The following ZNF804B variants were observed in gnomAD, a reference collection of about 807,000 sequenced individuals.
ZNF804B encodes zinc finger protein 804B.
ZNF804B carries 80 observed loss-of-function variants against 101.4 expected under a neutral mutation model. That is an observed-to-expected ratio of 0.79 (90% CI 0.66 to 0.95). The LOEUF (loss-of-function observed/expected upper bound fraction) is 0.95. ZNF804B is among the 40% of genes least tolerant of loss of function. The pLI is 0.00. For synonymous variants in ZNF804B, 622 were observed against 558.8 expected, an observed-to-expected ratio of 1.11 and a Z score of -1.59; for missense variants, 1,673 against 1,561.9, an observed-to-expected ratio of 1.07 and a Z score of -1.20.
chr7:89,179,982 C>T (rs1004398223), intron 1 of ZNF804B, among the ~76,000 whole-genome samples: 2 of 152,134 alleles, frequency 1.3e-5, no homozygotes, highest in Non-Finnish European at 2.9e-5. Flanking sequence ...TGTCCTCTTC[C>T]CTTACCTTTT....
chr7:89,076,267 A>G (rs1473229633), intron 1 of ZNF804B, among the ~76,000 whole-genome samples: 4 of 152,182 alleles, frequency 2.6e-5, no homozygotes, highest in Admixed American at 2.6e-4. Flanking sequence ...TGTAAATTCC[A>G]CAATCCCCCT....
At chr7:89,231,266 A>G (rs894807797) in intron 2 of ZNF804B, among the ~76,000 whole-genome samples, 2 of 152,054 alleles carry the variant, frequency 1.3e-5, no homozygotes, top group South Asian at 2.1e-4. Context: ...TCATAAATGT[A>G]TAAGTTTATT....
At chr7:89,095,278 TC>T (rs1307585088) in intron 1 of ZNF804B, among the ~76,000 whole-genome samples, 2 of 152,190 alleles carry the variant, frequency 1.3e-5, no homozygotes, top group Admixed American at 1.3e-4. Context: ...CAAAATGCCA[TC>T]TTGGAAGCAG....
intron 1 of ZNF804B, among the ~76,000 whole-genome samples, chr7:89,099,406 G>A (rs954989864): frequency 2.0e-5 from 3 of 152,148 alleles, no homozygotes; most frequent in African/African-American, 7.2e-5. Context: ...TTCACAGTTT[G>A]GGTACATGGT....
At chr7:89,269,820 A>G (rs1247940727) in intron 2 of ZNF804B, among the ~76,000 whole-genome samples, 1 of 152,098 alleles carries the variant, frequency 6.6e-6, no homozygotes, top group Non-Finnish European at 1.5e-5. Flanking sequence ...GCCGGTGATG[A>G]TGAGTAAGTT....
chr7:88,792,133 C>G (rs1301073859), intron 1 of ZNF804B, among the ~76,000 whole-genome samples: 5 of 152,008 alleles, frequency 3.3e-5, no homozygotes, highest in East Asian at 3.9e-4. Flanking sequence ...TATGACCTAG[C>G]CTTCGAGATC....
intron 2 of ZNF804B, among the ~76,000 whole-genome samples, chr7:89,219,730 G>C (rs546346139): frequency 2.1e-5 from 2 of 95,384 alleles, no homozygotes; most frequent in South Asian, 6.4e-4. Context: ...TGGCATGTTG[G>C]AATGTGTGGG....
chr7:88,794,750 C>T, intron 1 of ZNF804B: 1 of 1,613,450 alleles, frequency 6.2e-7, no homozygotes, highest in Non-Finnish European at 8.5e-7. Flanking sequence ...TAGTCAGCAA[C>T]ATCTTTTCTT....
intron 1 of ZNF804B, among the ~76,000 whole-genome samples, chr7:88,891,949 C>T (rs1792220976): frequency 6.6e-6 from 1 of 152,082 alleles, no homozygotes; most frequent in East Asian, 1.9e-4. Context: ...GTTCAATTCC[C>T]ACAAATCATT....
intron 1 of ZNF804B, among the ~76,000 whole-genome samples, chr7:88,902,318 TA>T (rs1199451187): frequency 2.0e-5 from 3 of 152,048 alleles, no homozygotes; most frequent in Non-Finnish European, 4.4e-5. Context: ...AGCGCATCTC[TA>T]TAGAGACTTC....
In ZNF804B at chr7:89,333,751, A is replaced by T; in HGVS notation, c.769A>T (p.Lys257Ter). Residue 257 changes from lysine to a stop codon, truncating the protein, a stop_gained, in exon 4 of 4, where the codon AAA (lysine) becomes TAA (stop). Coordinates refer to ENST00000333190, the MANE Select transcript of ZNF804B (RefSeq NM_181646.5). LOFTEE classifies it high-confidence loss of function. Reference sequence around the variant, plus strand: ...TAACAAGTCACCCATTTATAAAACAAAACAAACTGCAGATAAGTGCAAGTG... The same window carrying T: ...TAACAAGTCACCCATTTATAAAACATAACAAACTGCAGATAAGTGCAAGTG... ...DCNKSPIYKT[K>*]QTADKCKCCR... 1 of 1,613,620 alleles carries T rather than the reference A, an allele frequency of 6.2e-7. No individual in the cohort carries two copies. The highest frequency in any genetic ancestry group is 1.3e-5 in the African/African-American group (1 of 75,012).
chr7:89,292,520 G>T (rs1790312413), intron 2 of ZNF804B, among the ~76,000 whole-genome samples: 1 of 151,872 alleles, frequency 6.6e-6, no homozygotes, highest in Non-Finnish European at 1.5e-5. Flanking sequence ...GTATTTGCAA[G>T]CCTCATGGTA....
intron 1 of ZNF804B, among the ~76,000 whole-genome samples, chr7:88,992,188 A>G (rs557350044): frequency 9.2e-5 from 14 of 152,260 alleles, no homozygotes; most frequent in African/African-American, 3.4e-4. Context: ...TCTCTCTTCC[A>G]AAAGTGTGGT....
chr7:88,926,271 ATTCTG>A (rs1459763904), intron 1 of ZNF804B, among the ~76,000 whole-genome samples: 2 of 152,060 alleles, frequency 1.3e-5, no homozygotes, highest in Non-Finnish European at 2.9e-5. Context: ...GACATGTTTA[ATTCTG>A]TTCTGTTCTT....
At chr7:88,825,952 T>G (rs1227145253) in intron 1 of ZNF804B, among the ~76,000 whole-genome samples, 1 of 152,302 alleles carries the variant, frequency 6.6e-6, no homozygotes, top group Non-Finnish European at 1.5e-5. Context: ...CATTTCCTTT[T>G]TGTGAAGTCA....
At chr7:88,866,994 A>G (rs1325344864) in intron 1 of ZNF804B, among the ~76,000 whole-genome samples, 1 of 152,218 alleles carries the variant, frequency 6.6e-6, no homozygotes, top group African/African-American at 2.4e-5. Context: ...GATGGGCACA[A>G]CAGAATTGTG....
At chr7:88,947,251 A>G (rs530617261) in intron 1 of ZNF804B, among the ~76,000 whole-genome samples, 2 of 152,164 alleles carry the variant, frequency 1.3e-5, no homozygotes, top group Non-Finnish European at 2.9e-5. Flanking sequence ...AATAGCAAAG[A>G]CTTGGAACCA....
chr7:89,118,480 A>G (rs549869313), intron 1 of ZNF804B, among the ~76,000 whole-genome samples: 2 of 152,308 alleles, frequency 1.3e-5, no homozygotes, highest in South Asian at 2.1e-4. Context: ...GGAAAATGTC[A>G]TTCAACAGAC....
chr7:89,124,453 C>T (rs1332262324), intron 1 of ZNF804B, among the ~76,000 whole-genome samples: 4 of 152,152 alleles, frequency 2.6e-5, no homozygotes, highest in African/African-American at 9.7e-5. Flanking sequence ...TAGTGCTCTG[C>T]TGGGACAAGG....
Sources: gnomAD v4.1 joint callset for allele counts (sites outside exome capture counted in the v4.1 genomes callset) on GRCh38, gnomAD v4.1.1 for gene constraint, MANE v1.5 for transcripts, NCBI Gene and HGNC (gene_info 2026-07-23, HGNC 2026-07-21) for gene names.